PLEKHB1: variants seen among roughly 807,000 people sequenced by gnomAD.
The protein encoded by PLEKHB1 is pleckstrin homology domain containing B1, also known as pleckstrin homology domain-containing family B member 1.
In PLEKHB1, 29 loss-of-function variants were observed where a neutral mutation model predicts 36.2. The observed-to-expected ratio is 0.80, with a 90% CI of 0.60 to 1.09. The LOEUF (loss-of-function observed/expected upper bound fraction) is 1.09. Ranked by LOEUF, PLEKHB1 falls within the 50% of genes least tolerant of loss-of-function variation. The probability of loss-of-function intolerance (pLI) is 0.00; values close to 1 mark genes in which losing one functional copy is unlikely to be tolerated. For missense variants in PLEKHB1, 330 were observed against 348.2 expected, an observed-to-expected ratio of 0.95 and a Z score of 0.42; for synonymous variants, 138 against 140.0, an observed-to-expected ratio of 0.99 and a Z score of 0.10.
chr11:73,647,475 G>C (rs1944788847), intron 1 of PLEKHB1: 1 of 748,846 alleles, frequency 1.3e-6, no homozygotes, highest in African/African-American at 1.9e-5. Context: ...ATTGCAGGCG[G>C]GGCTGCTTCT....
rs936831702 is a variant in PLEKHB1, at chr11:73,661,081, G to A, written c.595+229G>A. ...TCTGGGATGGCTCCTCAGCCCTGCG[G>A]TCGGCAATACCCATTCCTGAGCCGG... is the stretch of plus-strand genomic sequence containing the variant. On this transcript the variant is annotated intron_variant, in intron 7 of 7. Coordinates refer to ENST00000354190, the MANE Select transcript of PLEKHB1 (RefSeq NM_021200.3). The surrounding 1 kb of genome is among the most constrained non-coding windows in gnomAD (Gnocchi z 4.6). Among the ~76,000 whole-genome samples, 1 of 152,232 alleles carries A rather than the reference G, an allele frequency of 6.6e-6. No individual in the cohort carries two copies. The highest frequency in any genetic ancestry group is 1.5e-5 in the Non-Finnish European group (1 of 68,044).
intron 5 of PLEKHB1, among the ~76,000 whole-genome samples, chr11:73,654,693 CAT>C (rs986670260): frequency 1.5e-4 from 23 of 152,160 alleles, no homozygotes; most frequent in Non-Finnish European, 2.9e-4. Flanking sequence ...GATGTGTGCA[CAT>C]GTGTGTGTGC....
intron 6 of PLEKHB1, among the ~76,000 whole-genome samples, chr11:73,656,802 C>G (rs1401929168): frequency 6.6e-6 from 1 of 152,182 alleles, no homozygotes; most frequent in African/African-American, 2.4e-5. Flanking sequence ...TATTCATGTT[C>G]CACCTCTGGA....
In PLEKHB1 at chr11:73,655,949, C is replaced by G. The variant is rs146528115; in HGVS notation, c.495+42C>G. 3.9e-6 allele frequency: 6 copies of G among 1,549,122 alleles called. No individual in the cohort carries two copies. In the African/African-American group the frequency reaches 4.1e-5, roughly 11 times the overall value. On this transcript the variant is annotated intron_variant, in intron 6 of 7. Coordinates refer to ENST00000354190, the MANE Select transcript of PLEKHB1 (RefSeq NM_021200.3). ...CCCTCCCTGCCTCCATACTGGCCAC[C>G]AGGATGAGCCTCCAAAACCAGGCCC...
chr11:73,649,190 C>A, intron 2 of PLEKHB1, 103 bp downstream of exon 2: 1 of 1,397,094 alleles, frequency 7.2e-7, no homozygotes, highest in South Asian at 1.4e-5. Flanking sequence ...CCTTTTCATC[C>A]TTCCCTTGTT....
At chr11:73,649,889 C>A (rs1175844683) in intron 2 of PLEKHB1, among the ~76,000 whole-genome samples, 1 of 152,214 alleles carries the variant, frequency 6.6e-6, no homozygotes, top group Non-Finnish European at 1.5e-5. Flanking sequence ...ACACAAATAA[C>A]CATCACACAA....
chr11:73,650,404 G>A, intron 2 of PLEKHB1, 149 bp from the exon 3 acceptor site: 1 of 816,472 alleles, frequency 1.2e-6, no homozygotes, highest in Non-Finnish European at 1.9e-6. Flanking sequence ...GACAGAAAGA[G>A]GTCCTGCCCT....
chr11:73,651,979 G>A (rs1164033099), intron 4 of PLEKHB1, 89 bp downstream of exon 4: 14 of 1,193,060 alleles, frequency 1.2e-5, no homozygotes, highest in Middle Eastern at 4.4e-4. Context: ...TTCTCTGACC[G>A]TAGGAAGAGG....
intron 6 of PLEKHB1, among the ~76,000 whole-genome samples, chr11:73,656,654 C>A (rs1344335481): frequency 2.0e-5 from 3 of 152,318 alleles, no homozygotes; most frequent in East Asian, 1.9e-4. Flanking sequence ...CAGGGCCTGG[C>A]ATGGGGTGGG....
intron 1 of PLEKHB1, chr11:73,647,582 G>A: frequency 4.1e-6 from 4 of 985,542 alleles, no homozygotes; most frequent in South Asian, 9.4e-5. Flanking sequence ...GGTCCGGAGG[G>A]CGGGGCCCGG....
At chr11:73,655,668 A>G (rs2134817526) in intron 5 of PLEKHB1, 135 bp from the exon 6 acceptor site, 1 of 675,250 alleles carries the variant, frequency 1.5e-6, no homozygotes, top group Admixed American at 2.5e-5. Flanking sequence ...GAGAAAGAGG[A>G]TGCTCCCTGC....
At position 73,651,861 on chromosome 11, in the gene PLEKHB1, C is replaced by T. The variant is rs1329232075; in HGVS notation, c.321C>T (p.His107=). Residue 107 remains histidine, a synonymous_variant, in exon 4 of 8, where the codon CAC becomes CAT. Coordinates refer to ENST00000354190, the MANE Select transcript of PLEKHB1 (RefSeq NM_021200.3). ...TVNLREGGRL[H]LCAETKDDAL... ...ACCTACGGGAAGGCGGCCGCCTGCA[C>T]CTCTGTGCGGAGACCAAGGATGATG... is the stretch of plus-strand genomic sequence containing the variant. 1.9e-6 allele frequency: 3 copies of T among 1,613,476 alleles called. No homozygotes were observed. Among genetic ancestry groups the T allele is most frequent in the Middle Eastern group, 1.6e-4 (1 of 6,084 alleles).
intron 3 of PLEKHB1, among the ~76,000 whole-genome samples, chr11:73,651,217 C>T (rs998816320): frequency 1.4e-4 from 21 of 151,738 alleles, no homozygotes; most frequent in African/African-American, 5.1e-4. Flanking sequence ...ATTAGCCGGG[C>T]ATGGTAGTGT....
chr11:73,660,947 C>A, intron 7 of PLEKHB1, 95 bp downstream of exon 7: 1 of 1,155,666 alleles, frequency 8.7e-7, no homozygotes, highest in Non-Finnish European at 1.3e-6. Flanking sequence ...CAGGCTTCAT[C>A]CTTTTAGCGT....
intron 5 of PLEKHB1, chr11:73,653,543 C>A (rs1343207459): frequency 2.2e-6 from 1 of 444,582 alleles, no homozygotes; most frequent in South Asian, 1.6e-5. Flanking sequence ...TTAATTATTC[C>A]ATTTCAATAG....
In PLEKHB1 at chr11:73,650,610, T is replaced by TC; in HGVS notation, c.152_153insC (p.Tyr53IlefsTer5). 1 of 1,613,250 alleles carries TC rather than the reference T, an allele frequency of 6.2e-7. No individual in the cohort carries two copies. Among genetic ancestry groups the TC allele is most frequent in the Non-Finnish European group, 8.5e-7 (1 of 1,179,626 alleles). The stretch of plus-strand genomic sequence containing the variant: ...TTTGCCCTGTGGCTGGACGGGACCC[T>TC]GGGATACTACCACGATGAGACAGCG... On this transcript the variant is annotated frameshift_variant, in exon 3 of 8. Transcript: ENST00000354190. LOFTEE classifies it high-confidence loss of function.
At chr11:73,649,198 G>T (rs1944834654) in intron 2 of PLEKHB1, 111 bp downstream of exon 2, 1 of 1,319,886 alleles carries the variant, frequency 7.6e-7, no homozygotes, top group Admixed American at 2.4e-5. Context: ...TCCTTCCCTT[G>T]TTTGTCCATG....
Position 73,651,469 on chromosome 11 carries a change from A to C in PLEKHB1, c.248-319A>C, listed in dbSNP as rs144811306. 8.1e-4 allele frequency: 444 copies of C among 546,914 alleles called. 1 individual carries two copies. Among genetic ancestry groups the C allele is most frequent in the African/African-American group, 7.4e-3 (397 of 53,592 alleles). The allele number at this position is 546,914 out of a possible 1,614,324, so 33.9% of individuals were successfully genotyped here. ...CCCTCCAGGCGCTCGGTACTGGATGAAGACGAAATGAAATTAGGAGGCCCA... is the reference window on the plus strand; with the variant it reads ...CCCTCCAGGCGCTCGGTACTGGATGCAGACGAAATGAAATTAGGAGGCCCA... On this transcript the variant is annotated intron_variant, in intron 3 of 7. Transcript: ENST00000354190.
At chr11:73,659,011 G>C (rs1002050014) in intron 6 of PLEKHB1, among the ~76,000 whole-genome samples, 2 of 152,138 alleles carry the variant, frequency 1.3e-5, no homozygotes, top group Non-Finnish European at 2.9e-5. Context: ...ATCACCTGAG[G>C]TCAGGAGTTC....
Sources: allele counts gnomAD v4.1 joint callset (sites outside exome capture counted in the v4.1 genomes callset), GRCh38; gene constraint gnomAD v4.1.1; non-coding constraint Gnocchi (gnomAD v3.1); transcripts MANE v1.5; gene names NCBI Gene and HGNC (gene_info 2026-07-23, HGNC 2026-07-21).